Variants in SUGP2 observed in about 807,000 individuals in gnomAD.
The protein encoded by SUGP2 is SURP and G-patch domain containing 2, also known as SURP and G-patch domain-containing protein 2.
A neutral mutation model predicts 90.5 loss-of-function variants in SUGP2; 24 were observed. That is an observed-to-expected ratio of 0.27 (90% confidence interval 0.19 to 0.37). The LOEUF is 0.37. Ranked by LOEUF, SUGP2 falls within the 10% of genes least tolerant of loss-of-function variation. The pLI is 1.00. For missense variants in SUGP2, 1,233 were observed against 1,363.3 expected (o/e 0.90, Z 1.51); for synonymous variants, 473 against 513.4 (o/e 0.92, Z 1.06).
chr19:19,033,556 G>A, upstream of SUGP2: 3 of 1,262,184 alleles, frequency 2.4e-6, no homozygotes, highest in Non-Finnish European at 3.0e-6. Flanking sequence ...GCCGCGCCGC[G>A]CAGGCGCAAG....
In SUGP2 at chr19:19,025,245, G is replaced by A. The variant is rs1481923485; in HGVS notation, c.1103C>T (p.Ser368Leu). 4 of 1,613,096 alleles carry A rather than the reference G, an allele frequency of 2.5e-6. No homozygotes were observed. The highest frequency in any genetic ancestry group is 3.4e-6 in the Non-Finnish European group (4 of 1,180,012). The change falls in exon 3 of 11, where the codon TCA (serine) becomes TTA (leucine). Residue 368 changes from serine to leucine, a missense_variant. Physicochemically the swap from Ser to Leu is moderately radical, Grantham distance 145. This residue lies in a region of SUGP2 where 55 missense variants were observed against 82.0 expected (regional missense o/e 0.67). Coordinates refer to ENST00000452918, the MANE Select transcript of SUGP2 (RefSeq NM_001017392.5). ...ETETCAKMLA[S>L]FKCSLKPEHR... The stretch of plus-strand genomic sequence containing the variant: ...CTCTGGTTTTAAGGAACATTTGAAT[G>A]AGGCAAGCATTTTAGCACAGGTTTC...
chr19:19,029,610 T>G (rs1479267258), intron 2 of SUGP2, among the ~76,000 whole-genome samples: 1 of 150,464 alleles, frequency 6.6e-6, no homozygotes, highest in Non-Finnish European at 1.5e-5. Context: ...GGCTAATTTT[T>G]TTTTTTTTTT....
In SUGP2 at chr19:18,993,686, T is replaced by C. The variant is rs1028810276; in HGVS notation, c.*55A>G. ...CCAGGCCGATCCAGGGCAGGGATGA[T>C]GTTTTAAGGGCAATTGCTGCTTCAA... On this transcript the variant is annotated 3_prime_UTR_variant, in exon 11 of 11. Coordinates refer to ENST00000452918, the MANE Select transcript of SUGP2 (RefSeq NM_001017392.5). 1.3e-5 allele frequency: 2 copies of C among 152,528 alleles called. No homozygotes were observed. Among genetic ancestry groups the C allele is most frequent in the African/African-American group, 2.4e-5 (1 of 41,390 alleles). 9.4% of individuals were successfully genotyped at this position (152,528 alleles called of 1,614,324 possible). A position where few individuals can be genotyped will look rare whatever the true frequency, so the allele number is the denominator to read the frequency against.
upstream of SUGP2, chr19:19,033,696 G>A (rs956536017): frequency 1.5e-5 from 4 of 275,846 alleles, no homozygotes; most frequent in Non-Finnish European, 2.7e-5. Flanking sequence ...GGCGACCACC[G>A]TGAGCGTCCC....
intron 2 of SUGP2, among the ~76,000 whole-genome samples, chr19:19,026,921 A>C (rs1010701836): frequency 3.9e-5 from 6 of 152,168 alleles, no homozygotes; most frequent in African/African-American, 1.4e-4. Flanking sequence ...AAGCTTAACA[A>C]GATACATCAA....
chr19:19,019,666 C>A (rs1048394262), intron 3 of SUGP2, among the ~76,000 whole-genome samples: 1 of 149,810 alleles, frequency 6.7e-6, no homozygotes, highest in Non-Finnish European at 1.5e-5. Context: ...AATATGGATA[C>A]ATAGAAAGAA....
intron 4 of SUGP2, 49 bp downstream of exon 4, chr19:19,019,060 C>A (rs1472857844): frequency 6.3e-7 from 1 of 1,584,004 alleles, no homozygotes; most frequent in South Asian, 1.1e-5. Context: ...CCAAATTTTG[C>A]CATATACTCC....
In SUGP2 at chr19:18,994,449, C is replaced by T. The variant is rs183027848; in HGVS notation, c.3166G>A (p.Gly1056Arg). The T allele has an allele frequency of 2.8e-5, 45 of 1,614,182 alleles. No homozygotes were observed. Among genetic ancestry groups the T allele is most frequent in the African/African-American group, 6.7e-5 (5 of 75,058 alleles). ...PSEGEGLGAD[G>R]QEHKEDTFDV... ...AATGTGTCTTCTTTGTGCTCCTGCC[C>T]GTCAGCACCCAACCCTTCCCCTTCC... Residue 1056 changes from glycine to arginine, a missense_variant, in exon 10 of 11, where the codon GGG becomes AGG. This residue lies in a region of SUGP2 where 53 missense variants were observed against 55.3 expected (regional missense o/e 0.96). Transcript: ENST00000452918.
At chr19:18,999,006 G>A (rs754115913) in intron 8 of SUGP2, 3 of 152,394 alleles carry the variant, frequency 2.0e-5, no homozygotes, top group Non-Finnish European at 4.4e-5. Flanking sequence ...GGGTAGGGAA[G>A]GAAGGGGAAA....
chr19:19,026,193 T>C lies in SUGP2; in HGVS notation c.155A>G (p.Glu52Gly), dbSNP rs769527291. 9 of 1,608,504 alleles carry C rather than the reference T, an allele frequency of 5.6e-6. No homozygotes were observed. The South Asian group carries it at 7.7e-5, about 14-fold the overall frequency. Residue 52 changes from glutamate (E) to glycine (G), a missense_variant, in exon 3 of 11, where the codon GAG becomes GGG. Physicochemically the swap from Glu to Gly is moderately conservative, Grantham distance 98. Coordinates refer to ENST00000452918, the MANE Select transcript of SUGP2 (RefSeq NM_001017392.5). Reference protein sequence around the residue: ...LLRAVPRSRAEMYDDVHSDGR... With the variant: ...LLRAVPRSRAGMYDDVHSDGR... ...ATCGCTGTGGACGTCATCATACATC[T>C]CTGCTCTGGATCTTGGGACTGCCCT...
chr19:19,023,717 G>T (rs891531957), intron 3 of SUGP2, among the ~76,000 whole-genome samples: 1 of 151,886 alleles, frequency 6.6e-6, no homozygotes, highest in Admixed American at 6.6e-5. Flanking sequence ...TGGGCAACAT[G>T]ATTCTCTACA....
At chr19:18,998,242 A>G (rs1020187273) in intron 8 of SUGP2, among the ~76,000 whole-genome samples, 1 of 152,228 alleles carries the variant, frequency 6.6e-6, no homozygotes, top group African/African-American at 2.4e-5. Context: ...TTGAGTTTTC[A>G]TAATGTTTTA....
At position 19,004,238 on chromosome 19, in the gene SUGP2, G is replaced by A. The variant is rs998742500; in HGVS notation, c.2859C>T (p.Ile953=). 2 of 1,609,962 alleles carry A rather than the reference G, an allele frequency of 1.2e-6. No homozygotes were observed. Among genetic ancestry groups the A allele is most frequent in the African/African-American group, 2.7e-5 (2 of 74,850 alleles). Residue 953 remains isoleucine (I), a synonymous_variant, in exon 7 of 11, where the codon ATC becomes ATT. Coordinates refer to ENST00000452918, the MANE Select transcript of SUGP2 (RefSeq NM_001017392.5). ...SSGTCFPRKR[I]SSKSLKVGMI... The stretch of plus-strand genomic sequence containing the variant: ...TGCCAACCTTCAATGACTTGCTGCT[G>A]ATCCTCTTCCGAGGGAAGCAGGTAC...
rs747103232 is a variant in SUGP2, at chr19:19,031,013, T to C, written c.59A>G (p.Lys20Arg). 4 of 1,613,974 alleles carry C rather than the reference T, an allele frequency of 2.5e-6. No homozygotes were observed. The African/African-American group carries it at 5.3e-5, about 22-fold the overall frequency. ...ACCACTGGCATCCATGTGATATCGT[T>C]TGGCTTTTTCTTGTAATACAGCATC... is the stretch of plus-strand genomic sequence containing the variant. ...TFDAVLQEKA[K>R]RYHMDASGEA... Residue 20 changes from lysine (K) to arginine (R), a missense_variant, in exon 2 of 11, where the codon AAA (lysine) becomes AGA (arginine). Physicochemically the swap from Lys to Arg is conservative, Grantham distance 26 (BLOSUM62 2). Around this residue, in one of 8 missense-constraint regions of SUGP2, gnomAD observed 418 missense variants for 399.9 expected, o/e 1.05. Coordinates refer to ENST00000452918, the MANE Select transcript of SUGP2 (RefSeq NM_001017392.5).
chr19:19,002,971 A>G (rs1169862505), intron 7 of SUGP2, among the ~76,000 whole-genome samples: 3 of 151,410 alleles, frequency 2.0e-5, no homozygotes, highest in Non-Finnish European at 4.4e-5. Context: ...CATTTTTTTT[A>G]CATTAATTTT....
At chr19:18,994,271 G>T in intron 10 of SUGP2, 95 bp downstream of exon 10, 1 of 1,501,648 alleles carries the variant, frequency 6.7e-7, no homozygotes, top group East Asian at 2.3e-5. Flanking sequence ...CATTTTTGGG[G>T]GAGCAGGGAA....
chr19:19,022,360 C>T (rs2058759483), intron 3 of SUGP2, among the ~76,000 whole-genome samples: 2 of 152,204 alleles, frequency 1.3e-5, no homozygotes, highest in South Asian at 4.1e-4. Flanking sequence ...GCCACCTATC[C>T]CGCTATCCAG....
chr19:19,013,952 G>A (rs1372671229), intron 4 of SUGP2, among the ~76,000 whole-genome samples: 1 of 152,210 alleles, frequency 6.6e-6, no homozygotes, highest in Non-Finnish European at 1.5e-5. Context: ...TCCAAACAAG[G>A]AAGTAAAGCC....
At chr19:19,023,961 G>C (rs2058826265) in intron 3 of SUGP2, among the ~76,000 whole-genome samples, 1 of 151,968 alleles carries the variant, frequency 6.6e-6, no homozygotes, top group Non-Finnish European at 1.5e-5. Context: ...AAAAAAAAAG[G>C]AACAAGCGTT....
Sources: gnomAD v4.1 joint callset for allele counts (sites outside exome capture counted in the v4.1 genomes callset) on GRCh38, gnomAD v4.1.1 for gene constraint, gnomAD v4.1.1 regional missense constraint, MANE v1.5 for transcripts, NCBI Gene and HGNC (gene_info 2026-07-23, HGNC 2026-07-21) for gene names.